Variants in PRSS33 observed in about 807,000 individuals in gnomAD.
PRSS33 encodes the protein serine protease 33, also known as protease, serine 33.
A neutral mutation model predicts 26.7 loss-of-function variants in PRSS33; 32 were observed. That is an observed-to-expected ratio of 1.20 (90% CI 0.90 to 1.61). The LOEUF (loss-of-function observed/expected upper bound fraction) is 1.61. Ranked by LOEUF, PRSS33 falls within the 40% of genes most tolerant of loss-of-function variation. The pLI is 0.00. For synonymous variants in PRSS33, 192 were observed against 177.6 expected (o/e 1.08, Z -0.64); for missense variants, 450 against 396.3 (o/e 1.14, Z -1.15).
At chr16:2,786,234 C>T (rs951304922) in intron 2 of PRSS33, 113 bp from the exon 3 acceptor site, 11 of 1,050,590 alleles carry the variant, frequency 1.0e-5, no homozygotes, top group Non-Finnish European at 1.5e-5. Flanking sequence ...CCTGACATTG[C>T]GCCAGGCTTT....
rs1255135894 is a variant in PRSS33, at chr16:2,784,593, G to A, written c.*51C>T. 1.3e-6 allele frequency: 2 copies of A among 1,511,702 alleles called. No individual in the cohort carries two copies. Among genetic ancestry groups the A allele is most frequent in the South Asian group, 1.3e-5 (1 of 79,450 alleles). 93.6% of individuals were successfully genotyped at this position (1,511,702 alleles called of 1,614,324 possible). On this transcript the variant is annotated 3_prime_UTR_variant, in exon 7 of 7. Coordinates refer to ENST00000682474, the MANE Select transcript of PRSS33 (RefSeq NM_152891.3). ...ATAGGCAGGTGCCTGGATGAACCAG[G>A]AGGCTGAGGGACCCCAGCAGCTGGC...
In PRSS33 at chr16:2,785,102, C is replaced by A; in HGVS notation, c.584G>T (p.Gly195Val). The change falls in exon 6 of 7, where the codon GGC becomes GTC. Residue 195 changes from glycine (G) to valine (V), a missense_variant. Gly to Val is a moderately radical substitution (Grantham distance 109, BLOSUM62 -3). Coordinates refer to ENST00000682474, the MANE Select transcript of PRSS33 (RefSeq NM_152891.3). ...CACGTCCGCGCCCACGTGGTAGAGG[C>A]CGTCGCAGGTGCGCGAGTCCAGCAG... The part of the protein sequence containing the change: ...VPLLDSRTCD[G>V]LYHVGADVPQ... The A allele has an allele frequency of 6.4e-7, 1 of 1,552,488 alleles. No homozygotes were observed. The highest frequency in any genetic ancestry group is 8.7e-7 in the Non-Finnish European group (1 of 1,151,372).
chr16:2,786,372 T>C (rs896230000), intron 2 of PRSS33, 130 bp downstream of exon 2: 12 of 1,121,544 alleles, frequency 1.1e-5, no homozygotes, highest in Admixed American at 2.2e-5. Flanking sequence ...GCAGAGAGGA[T>C]TGAGCCCTTG....
intron 1 of PRSS33, 97 bp from the exon 2 acceptor site, chr16:2,786,701 C>T (rs2068878050): frequency 1.2e-6 from 1 of 809,290 alleles, no homozygotes; most frequent in Non-Finnish European, 2.0e-6. Flanking sequence ...TGTCTGTCCT[C>T]AGCTCCTGGT....
chr16:2,785,902 C>T lies in PRSS33; in HGVS notation c.139G>A (p.Glu47Lys), dbSNP rs1284893846. Residue 47 changes from glutamate to lysine, a missense_variant, in exon 4 of 7, where the codon GAG becomes AAG. Coordinates refer to ENST00000682474, the MANE Select transcript of PRSS33 (RefSeq NM_152891.3). ...TGGATGCTCGCCTGCCACGGCCACT[C>T]TCCGTCCCGGCCATCCCGGCCCCCA... ...IVGGRDGRDG[E>K]WPWQASIQHR... 1 of 1,611,556 alleles carries T rather than the reference C, an allele frequency of 6.2e-7. No individual in the cohort carries two copies. Among genetic ancestry groups the T allele is most frequent in the Non-Finnish European group, 8.5e-7 (1 of 1,179,518 alleles).
Position 2,786,815 on chromosome 16 carries a change from C to T in PRSS33, c.-57-211G>A, listed in dbSNP as rs561343422. ...CCAGATATTTGGGCATCCTTGGTCT[C>T]GACAGAAGCCCTGGAGCCTAACCCC... On this transcript the variant is annotated intron_variant, in intron 1 of 6. Coordinates refer to ENST00000682474, the MANE Select transcript of PRSS33 (RefSeq NM_152891.3). 179 of 394,120 alleles carry T rather than the reference C, an allele frequency of 4.5e-4. 1 individual carries two copies. The highest frequency in any genetic ancestry group is 7.3e-4 in the Middle Eastern group (1 of 1,374). The allele number at this position is 394,120 out of a possible 1,614,324, so 24.4% of individuals were successfully genotyped here. A position where few individuals can be genotyped will look rare whatever the true frequency, so the allele number is the denominator to read the frequency against.
rs1006514685 is a variant in PRSS33 at position 2,784,748 on chromosome 16, C to T, written c.739G>A (p.Gly247Ser). Reference sequence around the variant, plus strand: ...CAACCCTTGCCCCAGCTCACCACGCCCACCAGGACCCAGCTCCCAGACTGC... The same window carrying T: ...CAACCCTTGCCCCAGCTCACCACGCTCACCAGGACCCAGCTCCCAGACTGC... ...CLQSGSWVLV[G>S]VVSWGKGCAL... The change falls in exon 7 of 7, where the codon GGC becomes AGC. Residue 247 changes from glycine to serine, a missense_variant. By Grantham distance (56) the Gly-to-Ser change is moderately conservative. Transcript: ENST00000682474. 6 of 1,608,622 alleles carry T rather than the reference C, an allele frequency of 3.7e-6. No individual in the cohort carries two copies. Among genetic ancestry groups the T allele is most frequent in the African/African-American group, 1.3e-5 (1 of 74,898 alleles).
intron 2 of PRSS33, 93 bp downstream of exon 2, chr16:2,786,409 G>C (rs2068874675): frequency 6.8e-7 from 1 of 1,471,548 alleles, no homozygotes; most frequent in Non-Finnish European, 9.4e-7. Flanking sequence ...GCCCAAGAGT[G>C]CTCCAGGGAG....
Position 2,786,141 on chromosome 16 carries a change from A to T in PRSS33, c.47-20T>A. The T allele has an allele frequency of 1.9e-6, 3 of 1,608,910 alleles. No individual in the cohort carries two copies. Among genetic ancestry groups the T allele is most frequent in the Non-Finnish European group, 1.7e-6 (2 of 1,175,676 alleles). On this transcript the variant is annotated intron_variant, in intron 2 of 6. Coordinates refer to ENST00000682474, the MANE Select transcript of PRSS33 (RefSeq NM_152891.3). ...CAGCTCCTGGAGGAGGAAGCAGGGA[A>T]GGGACCAGATTATAGATTTGGTGTC... is the stretch of plus-strand genomic sequence containing the variant.
In PRSS33 at chr16:2,785,928, A is replaced by T. The variant is rs773449458; in HGVS notation, c.113T>A (p.Val38Asp). Residue 38 changes from valine (V) to aspartate (D), a missense_variant, in exon 4 of 7, where the codon GTT becomes GAT. Transcript: ENST00000682474. ...CGQPRMSSRI[V>D]GGRDGRDGEW... Reference sequence around the variant, plus strand: ...TCCGTCCCGGCCATCCCGGCCCCCAACGATCCGACTGGACATGCGGGGCTG... The same window carrying T: ...TCCGTCCCGGCCATCCCGGCCCCCATCGATCCGACTGGACATGCGGGGCTG... 2 of 1,612,402 alleles carry T rather than the reference A, an allele frequency of 1.2e-6. No homozygotes were observed. The highest frequency in any genetic ancestry group is 1.7e-6 in the Non-Finnish European group (2 of 1,179,772).
At position 2,785,960 on chromosome 16, in the gene PRSS33, G is replaced by A. The variant is rs1477344580; in HGVS notation, c.81C>T (p.Ala27=). 1 of 1,612,810 alleles carries A rather than the reference G, an allele frequency of 6.2e-7. No homozygotes were observed. Among genetic ancestry groups the A allele is most frequent in the Non-Finnish European group, 8.5e-7 (1 of 1,179,942 alleles). The part of the protein sequence containing the change: ...AAGTQGRKSA[A]CGQPRMSSRI... ...GACTGGACATGCGGGGCTGCCCGCA[G>A]GCTAGAAAAGGACCAGGGGCGGTGA... The change falls in exon 4 of 7, where the codon GCC becomes GCT. Residue 27 remains alanine (A), a splice_region_variant and synonymous_variant. Transcript: ENST00000682474.
Position 2,785,090 on chromosome 16 carries a change from A to C in PRSS33, c.596T>G (p.Val199Gly). The C allele has an allele frequency of 6.4e-7, 1 of 1,559,394 alleles. No individual in the cohort carries two copies. Among genetic ancestry groups the C allele is most frequent in the Non-Finnish European group, 8.7e-7 (1 of 1,154,946 alleles). ...CTCAGCCTGGGGCACGTCCGCGCCC[A>C]CGTGGTAGAGGCCGTCGCAGGTGCG... Reference protein sequence around the residue: ...DSRTCDGLYHVGADVPQAERI... With the variant: ...DSRTCDGLYHGGADVPQAERI... Residue 199 changes from valine to glycine, a missense_variant, in exon 6 of 7, where the codon GTG becomes GGG. Coordinates refer to ENST00000682474, the MANE Select transcript of PRSS33 (RefSeq NM_152891.3).
intron 6 of PRSS33, 45 bp downstream of exon 6, chr16:2,784,957 G>A (rs2068854814): frequency 6.3e-7 from 1 of 1,580,874 alleles, no homozygotes; most frequent in Admixed American, 1.8e-5. Context: ...GAGGGTGCTG[G>A]GCACAGGGAG....
At chr16:2,784,975 C>T (rs763915375) in intron 6 of PRSS33, 27 bp downstream of exon 6, 7 of 1,592,436 alleles carry the variant, frequency 4.4e-6, no homozygotes, top group Non-Finnish European at 6.0e-6. Flanking sequence ...GAGGGGACTC[C>T]GGAGGCTGGG....
chr16:2,784,896 C>T (rs183803573), intron 6 of PRSS33, 94 bp from the exon 7 acceptor site: 2 of 1,524,788 alleles, frequency 1.3e-6, no homozygotes, highest in Non-Finnish European at 1.8e-6. Flanking sequence ...GGTTGGAGGC[C>T]AGGATCCTGA....
In PRSS33 at chr16:2,785,040, A is replaced by G. The variant is rs2068856030; in HGVS notation, c.646T>C (p.Cys216Arg). The change falls in exon 6 of 7, where the codon TGT becomes CGT. Residue 216 changes from cysteine (C) to arginine (R), a missense_variant. Cys to Arg is a radical substitution (Grantham distance 180). Coordinates refer to ENST00000682474, the MANE Select transcript of PRSS33 (RefSeq NM_152891.3). The part of the protein sequence containing the change: ...AERIVLPGSL[C>R]AGYPQGHKDA... ...TTGTGGCCCTGGGGGTAGCCGGCAC[A>G]CAGACTCCCAGGCAGCACAATGCGC... The G allele has an allele frequency of 3.1e-6, 5 of 1,589,708 alleles. No individual in the cohort carries two copies. Among genetic ancestry groups the G allele is most frequent in the Non-Finnish European group, 3.4e-6 (4 of 1,170,598 alleles).
chr16:2,784,440 A>C lies in PRSS33; in HGVS notation c.*204T>G. ...CCTGGGACTCATGGCAGATTCCTGG[A>C]TGAGGGTTGGTGGAGTCAGAGCTGG... On this transcript the variant is annotated 3_prime_UTR_variant, in exon 7 of 7. Transcript: ENST00000682474. 2 of 473,724 alleles carry C rather than the reference A, an allele frequency of 4.2e-6. No homozygotes were observed. The allele number at this position is 473,724 out of a possible 1,614,324, so 29.3% of individuals were successfully genotyped here.
In PRSS33 at chr16:2,785,610, C is replaced by A. The variant is rs2068864580; in HGVS notation, c.279G>T (p.Gly93=). ...GCGAGGTGGAGCCCAGACGCAGCGC[C>A]CCCAGGCGCACGCGGTACTCAGCTG... ...ALPAEYRVRL[G]ALRLGSTSPR... The change falls in exon 5 of 7, where the codon GGG becomes GGT. Residue 93 remains glycine (G), a synonymous_variant. Transcript: ENST00000682474. 2 of 1,508,968 alleles carry A rather than the reference C, an allele frequency of 1.3e-6. No homozygotes were observed. The highest frequency in any genetic ancestry group is 1.4e-5 in the African/African-American group (1 of 71,244). The allele number at this position is 1,508,968 out of a possible 1,614,324, so 93.5% of individuals were successfully genotyped here. A position where few individuals can be genotyped will look rare whatever the true frequency, so the allele number is the denominator to read the frequency against.
rs548700888 is a variant in PRSS33, at chr16:2,785,545, G to A, written c.344C>T (p.Pro115Leu). The change falls in exon 5 of 7, where the codon CCC becomes CTC. Residue 115 changes from proline (P) to leucine (L), a missense_variant. Coordinates refer to ENST00000682474, the MANE Select transcript of PRSS33 (RefSeq NM_152891.3). ...LSVPVRRVLL[P>L]PDYSEDGARG... The stretch of plus-strand genomic sequence containing the variant: ...GGCCCCGTCCTCGGAGTAGTCCGGG[G>A]GCAGCAGCACCCGTCGCACGGGCAC... 4.6e-6 allele frequency: 7 copies of A among 1,528,048 alleles called. No homozygotes were observed. In the East Asian group the frequency reaches 1.7e-4, roughly 38 times the overall value. 94.7% of individuals were successfully genotyped at this position (1,528,048 alleles called of 1,614,324 possible). A position where few individuals can be genotyped will look rare whatever the true frequency, so the allele number is the denominator to read the frequency against.
Sources: gnomAD v4.1 joint callset for allele counts on GRCh38, gnomAD v4.1.1 for gene constraint, MANE v1.5 for transcripts, NCBI Gene and HGNC (gene_info 2026-07-23, HGNC 2026-07-21) for gene names.